TAS2R1: variants seen among roughly 807,000 people sequenced by gnomAD.
TAS2R1 encodes taste 2 receptor member 1.
For missense variants in TAS2R1, 370 were observed against 353.4 expected (o/e 1.05, Z -0.38); for synonymous variants, 141 against 134.2 (o/e 1.05, Z -0.35).
At chr5:9,653,052 C>A (rs1352007650) in intron 2 of TAS2R1, among the ~76,000 whole-genome samples, 1 of 152,122 alleles carries the variant, frequency 6.6e-6, no homozygotes, top group Non-Finnish European at 1.5e-5. Flanking sequence ...TCCTACTCCC[C>A]ACCCCAACTG....
chr5:9,736,429 T>A, the TAS2R1 span, among the ~76,000 whole-genome samples: 1 of 152,208 alleles, frequency 6.6e-6, no homozygotes, highest in African/African-American at 2.4e-5. Context: ...GTGTCCAGGA[T>A]TAATGCTGCT....
At chr5:9,889,408 A>G in the TAS2R1 span, among the ~76,000 whole-genome samples, 9 of 152,306 alleles carry the variant, frequency 5.9e-5, no homozygotes, top group East Asian at 1.2e-3. Context: ...AGGACCACAC[A>G]TGCACAGGGT....
the TAS2R1 span, among the ~76,000 whole-genome samples, chr5:9,764,718 T>C: frequency 2.6e-5 from 4 of 152,172 alleles, no homozygotes; most frequent in Non-Finnish European, 5.9e-5. Context: ...AAACAATTTC[T>C]CTAGATATAT....
the TAS2R1 span, among the ~76,000 whole-genome samples, chr5:9,781,872 G>T: frequency 2.0e-5 from 3 of 152,144 alleles, no homozygotes; most frequent in African/African-American, 7.2e-5. Flanking sequence ...GCTCTGACTT[G>T]TCCTTGTGTT....
At chr5:9,860,996 A>T in the TAS2R1 span, among the ~76,000 whole-genome samples, 4 of 139,950 alleles carry the variant, frequency 2.9e-5, no homozygotes, top group African/African-American at 1.0e-4. Flanking sequence ...CATAGCATAG[A>T]AGTTGCAAAC....
chr5:9,654,125 G>A (rs189798253), intron 2 of TAS2R1, among the ~76,000 whole-genome samples: 199 of 152,236 alleles, frequency 1.3e-3, no homozygotes, highest in African/African-American at 4.7e-3. Flanking sequence ...AAGAAGTAGA[G>A]AACTTTTAAA....
At position 9,680,430 on chromosome 5, in the gene TAS2R1, A is replaced by G. The variant is rs1486770527; in HGVS notation, c.-241-20849T>C. ...AAAACTGCAGTGTCGAAAGGAAGAA[A>G]AAAAGAATAACTGTATAGAGGAGAA... On this transcript the variant is annotated intron_variant, in intron 1 of 2. Coordinates refer to the TAS2R1 transcript ENST00000506620. Among the ~76,000 whole-genome samples, 3 of 152,346 alleles carry G rather than the reference A, an allele frequency of 2.0e-5. No individual in the cohort carries two copies. In the East Asian group the frequency reaches 5.8e-4, roughly 29 times the overall value.
At chr5:9,736,470 G>A in the TAS2R1 span, among the ~76,000 whole-genome samples, 410 of 152,266 alleles carry the variant, frequency 2.7e-3, 3 homozygotes, top group Middle Eastern at 6.8e-3. Context: ...CAACATCCCA[G>A]CTCCCTCACC....
At chr5:9,766,692 G>A in the TAS2R1 span, among the ~76,000 whole-genome samples, 3 of 152,224 alleles carry the variant, frequency 2.0e-5, no homozygotes, top group Non-Finnish European at 4.4e-5. Context: ...CACTGTGGTG[G>A]TTGATGTGTC....
intron 1 of TAS2R1, among the ~76,000 whole-genome samples, chr5:9,669,829 A>G (rs192843608): frequency 3.7e-4 from 57 of 152,260 alleles, no homozygotes; most frequent in African/African-American, 1.2e-3. Flanking sequence ...CAGATTAACA[A>G]CTAACATCAC....
the TAS2R1 span, among the ~76,000 whole-genome samples, chr5:9,811,117 C>T: frequency 2.6e-5 from 4 of 152,256 alleles, no homozygotes; most frequent in Admixed American, 1.3e-4. Flanking sequence ...ATGAGAGTAA[C>T]GTCCTCATAA....
At chr5:9,840,928 G>T in the TAS2R1 span, among the ~76,000 whole-genome samples, 1 of 143,688 alleles carries the variant, frequency 7.0e-6, no homozygotes, top group Non-Finnish European at 1.5e-5. Flanking sequence ...CAGCTGGAGT[G>T]CAGTGGCACA....
At chr5:9,737,970 T>C in the TAS2R1 span, among the ~76,000 whole-genome samples, 2 of 152,158 alleles carry the variant, frequency 1.3e-5, no homozygotes, top group African/African-American at 4.8e-5. Context: ...AGGGTGCATT[T>C]TGAGGATGAC....
At chr5:9,821,700 C>T in the TAS2R1 span, among the ~76,000 whole-genome samples, 1 of 152,134 alleles carries the variant, frequency 6.6e-6, no homozygotes, top group African/African-American at 2.4e-5. Flanking sequence ...AAGTGGGGAA[C>T]CACAGACACA....
At chr5:9,889,409 T>G in the TAS2R1 span, among the ~76,000 whole-genome samples, 1 of 152,178 alleles carries the variant, frequency 6.6e-6, no homozygotes, top group Non-Finnish European at 1.5e-5. Flanking sequence ...GGACCACACA[T>G]GCACAGGGTA....
the TAS2R1 span, among the ~76,000 whole-genome samples, chr5:9,896,365 A>C: frequency 3.3e-5 from 5 of 152,230 alleles, no homozygotes; most frequent in Non-Finnish European, 7.3e-5. Context: ...AGAATGGCTA[A>C]ACCTCAGCCA....
the TAS2R1 span, among the ~76,000 whole-genome samples, chr5:9,773,723 C>G: frequency 6.6e-6 from 1 of 152,146 alleles, no homozygotes; most frequent in Admixed American, 6.5e-5. Context: ...TTTCCTTCAG[C>G]ACTTTAAATA....
the TAS2R1 span, among the ~76,000 whole-genome samples, chr5:9,808,340 A>G: frequency 1.3e-5 from 2 of 152,168 alleles, no homozygotes; most frequent in African/African-American, 4.8e-5. Flanking sequence ...AAATGAAGTT[A>G]GCTATTTAGC....
chr5:9,684,386 G>A (rs898599227), intron 1 of TAS2R1, among the ~76,000 whole-genome samples: 1 of 152,190 alleles, frequency 6.6e-6, no homozygotes, highest in Non-Finnish European at 1.5e-5. Context: ...GGTTATTAGA[G>A]GCTGGAAATG....
Sources: allele counts gnomAD v4.1 joint callset (sites outside exome capture counted in the v4.1 genomes callset), GRCh38; gene constraint gnomAD v4.1.1; transcripts MANE v1.5; gene names NCBI Gene and HGNC (gene_info 2026-07-23, HGNC 2026-07-21).